The following MLLT3 variants were observed in gnomAD, a reference collection of about 807,000 sequenced individuals.
MLLT3 encodes the protein MLLT3 super elongation complex subunit.
In MLLT3, 4 loss-of-function variants were observed where a neutral mutation model predicts 53.2. The ratio of observed to expected loss-of-function variants is 0.08; its 90% CI spans 0.04 to 0.17. MLLT3 has a LOEUF of 0.17. Among genes scored for constraint, MLLT3 ranks in the 10% least tolerant of loss-of-function variants. MLLT3 has a pLI of 1.00. For synonymous variants in MLLT3, 283 were observed against 230.6 expected, an observed-to-expected ratio of 1.23 and a Z score of -2.06; for missense variants, 569 against 684.0, an observed-to-expected ratio of 0.83 and a Z score of 1.87.
intron 2 of MLLT3, among the ~76,000 whole-genome samples, chr9:20,612,606 G>A (rs563592477): frequency 6.6e-6 from 1 of 151,744 alleles, no homozygotes; most frequent in South Asian, 2.1e-4. Flanking sequence ...CTACAAACAA[G>A]AAAATGACAA....
At chr9:20,549,549 G>A (rs934283079) in intron 2 of MLLT3, among the ~76,000 whole-genome samples, 29 of 152,108 alleles carry the variant, frequency 1.9e-4, no homozygotes, top group African/African-American at 2.2e-4. Flanking sequence ...TACTTTATGC[G>A]ACCCATTCTG....
At chr9:20,589,216 A>C (rs1820059807) in intron 2 of MLLT3, among the ~76,000 whole-genome samples, 1 of 151,674 alleles carries the variant, frequency 6.6e-6, no homozygotes, top group African/African-American at 2.4e-5. Flanking sequence ...CTGGATTAAG[A>C]AAATGTGGCA....
At chr9:20,513,296 G>A (rs987436854) in intron 2 of MLLT3, among the ~76,000 whole-genome samples, 3 of 152,178 alleles carry the variant, frequency 2.0e-5, no homozygotes, top group African/African-American at 7.2e-5. Context: ...CACTCTCTGG[G>A]AGAGCTCTGA....
At chr9:20,555,875 G>C (rs1006595936) in intron 2 of MLLT3, among the ~76,000 whole-genome samples, 5 of 152,198 alleles carry the variant, frequency 3.3e-5, no homozygotes, top group African/African-American at 1.2e-4. Context: ...AATTACAGGA[G>C]CATCCATTCT....
At chr9:20,415,862 A>AT (rs1822858457) in intron 4 of MLLT3, among the ~76,000 whole-genome samples, 1 of 151,970 alleles carries the variant, frequency 6.6e-6, no homozygotes, top group African/African-American at 2.4e-5. Context: ...GTAGAAATAT[A>AT]TTTTTTGGTT....
At chr9:20,487,363 T>C (rs1371214355) in intron 2 of MLLT3, among the ~76,000 whole-genome samples, 1 of 152,162 alleles carries the variant, frequency 6.6e-6, no homozygotes, top group African/African-American at 2.4e-5. Flanking sequence ...GCTACTAGGA[T>C]GAAATTCTAT....
intron 3 of MLLT3, among the ~76,000 whole-genome samples, chr9:20,452,312 A>G (rs889962587): frequency 1.3e-5 from 2 of 152,190 alleles, no homozygotes; most frequent in African/African-American, 4.8e-5. Context: ...TTCTCATGAT[A>G]GTAAGTGAGT....
chr9:20,596,318 G>A lies in MLLT3; in HGVS notation c.193+24336C>T, dbSNP rs78734743. Reference sequence around the variant, plus strand: ...GGAAAACTATGGCATTTAATTAAATGTATAGGAGTACCCTGATTTAAGACG... The same window carrying A: ...GGAAAACTATGGCATTTAATTAAATATATAGGAGTACCCTGATTTAAGACG... On this transcript the variant is annotated intron_variant, in intron 2 of 10. Transcript: ENST00000380338. Among the ~76,000 whole-genome samples the A allele has an allele frequency of 9.9e-3, 1,504 of 152,300 alleles. 60 individuals carry two copies. In the East Asian group the frequency reaches 0.14, roughly 14 times the overall value.
intron 2 of MLLT3, among the ~76,000 whole-genome samples, chr9:20,500,144 T>C (rs1450533885): frequency 1.3e-5 from 2 of 152,232 alleles, no homozygotes; most frequent in African/African-American, 4.8e-5. Context: ...GGTTTGATTG[T>C]GTGGTTCTAG....
At chr9:20,452,307 A>T (rs1823859626) in intron 3 of MLLT3, among the ~76,000 whole-genome samples, 1 of 152,116 alleles carries the variant, frequency 6.6e-6, no homozygotes, top group African/African-American at 2.4e-5. Flanking sequence ...TGCTGTTCTC[A>T]TGATAGTAAG....
At chr9:20,565,930 ATATATATTTATATATATATATATT>A (rs1819346800) in intron 2 of MLLT3, among the ~76,000 whole-genome samples, 1 of 13,048 alleles carries the variant, frequency 7.7e-5, no homozygotes, top group South Asian at 2.3e-3. Context: ...ATTTATATAT[ATATATATTTATATATATATATATT>A]TATATATATA....
intron 2 of MLLT3, among the ~76,000 whole-genome samples, chr9:20,609,087 A>G (rs1820638604): frequency 6.6e-6 from 1 of 152,082 alleles, no homozygotes; most frequent in Admixed American, 6.6e-5. Flanking sequence ...TAGCCTTTAC[A>G]ATGTAAGAAA....
chr9:20,602,990 G>C (rs1040126927), intron 2 of MLLT3, among the ~76,000 whole-genome samples: 1 of 152,058 alleles, frequency 6.6e-6, no homozygotes, highest in Non-Finnish European at 1.5e-5. Context: ...ATTAAAAGTA[G>C]ATATGATATA....
chr9:20,376,718 C>T (rs906268585), intron 5 of MLLT3, among the ~76,000 whole-genome samples: 4 of 152,116 alleles, frequency 2.6e-5, no homozygotes. Flanking sequence ...CCCTTTTAAG[C>T]AGAAGAGCCT....
At chr9:20,591,130 T>C (rs1275058607) in intron 2 of MLLT3, among the ~76,000 whole-genome samples, 1 of 152,216 alleles carries the variant, frequency 6.6e-6, no homozygotes, top group Admixed American at 6.5e-5. Flanking sequence ...ATATACCTAG[T>C]GGCATTCTGA....
chr9:20,571,174 A>T (rs1008989909), intron 2 of MLLT3, among the ~76,000 whole-genome samples: 38 of 152,234 alleles, frequency 2.5e-4, no homozygotes, highest in Admixed American at 2.0e-4. Flanking sequence ...ATAATGCTGC[A>T]GGTGAGCTTA....
At chr9:20,412,709 A>G (rs1822761091) in intron 5 of MLLT3, among the ~76,000 whole-genome samples, 1 of 152,230 alleles carries the variant, frequency 6.6e-6, no homozygotes, top group South Asian at 2.1e-4. Context: ...AAATACGGTC[A>G]AGCCAATGTA....
In MLLT3 at chr9:20,622,492, A is replaced by G. The variant is rs1347248801; in HGVS notation, c.-236T>C. The G allele has an allele frequency of 4.1e-6, 2 of 489,386 alleles. No homozygotes were observed. The highest frequency in any genetic ancestry group is 7.2e-6 in the Non-Finnish European group (2 of 277,516). The allele number at this position is 489,386 out of a possible 1,614,324, so 30.3% of individuals were successfully genotyped here. On this transcript the variant is annotated 5_prime_UTR_variant, in exon 1 of 11. Coordinates refer to ENST00000380338, the MANE Select transcript of MLLT3 (RefSeq NM_004529.4). ...AGCAGCAGCAGCTCCAGGGTAAAGAAGATGATTGCGGAGCATGCGCCGTGG... is the reference window on the plus strand; with the variant it reads ...AGCAGCAGCAGCTCCAGGGTAAAGAGGATGATTGCGGAGCATGCGCCGTGG...
intron 5 of MLLT3, among the ~76,000 whole-genome samples, chr9:20,368,585 G>C (rs1821516154): frequency 6.6e-6 from 1 of 152,148 alleles, no homozygotes; most frequent in Non-Finnish European, 1.5e-5. Context: ...TTACTCATTT[G>C]TCTCAAGCAT....
Sources: gnomAD v4.1 joint callset for allele counts (sites outside exome capture counted in the v4.1 genomes callset) on GRCh38, gnomAD v4.1.1 for gene constraint, MANE v1.5 for transcripts, NCBI Gene and HGNC (gene_info 2026-07-23, HGNC 2026-07-21) for gene names.